P4HA1: variants seen among roughly 807,000 people sequenced by gnomAD.
The protein encoded by P4HA1 is prolyl 4-hydroxylase subunit alpha 1, also known as prolyl 4-hydroxylase subunit alpha-1.
P4HA1 carries 24 observed loss-of-function variants against 72.8 expected under a neutral mutation model. The observed-to-expected ratio is 0.33, with a 90% CI of 0.24 to 0.46. P4HA1 has a LOEUF of 0.46. Ranked by LOEUF, P4HA1 falls within the 20% of genes least tolerant of loss-of-function variation. The pLI, the probability that P4HA1 is intolerant of heterozygous loss-of-function variation, is 1.00. For missense variants in P4HA1, 446 were observed against 640.6 expected (o/e 0.70, Z 3.28); for synonymous variants, 201 against 218.8 (o/e 0.92, Z 0.72).
At chr10:73,064,451 G>A (rs1841375845) in intron 5 of P4HA1, among the ~76,000 whole-genome samples, 2 of 151,620 alleles carry the variant, frequency 1.3e-5, no homozygotes, top group South Asian at 2.1e-4. Context: ...CTCCAGCCTG[G>A]GTTGATAGCA....
intron 7 of P4HA1, 75 bp from the exon 8 acceptor site, chr10:73,047,176 G>A: frequency 9.6e-7 from 1 of 1,046,376 alleles, no homozygotes; most frequent in Non-Finnish European, 1.4e-6. Context: ...ATGCAGATAA[G>A]AGACAATAAT....
At chr10:73,049,745 G>A (rs757668974) in intron 7 of P4HA1, among the ~76,000 whole-genome samples, 37 of 152,250 alleles carry the variant, frequency 2.4e-4, no homozygotes, top group South Asian at 1.2e-3. Flanking sequence ...GTATTAAACA[G>A]ACTAAAGCAT....
At chr10:73,010,299 C>T (rs553630999) in intron 13 of P4HA1, among the ~76,000 whole-genome samples, 43 of 152,050 alleles carry the variant, frequency 2.8e-4, no homozygotes, top group Admixed American at 2.1e-3. Flanking sequence ...TTTGTTCCTG[C>T]GGAAGAACTC....
At chr10:73,009,974 T>A in intron 13 of P4HA1, 71 bp from the exon 14 acceptor site, 1 of 721,152 alleles carries the variant, frequency 1.4e-6, no homozygotes, top group Non-Finnish European at 2.3e-6. Flanking sequence ...GTTATTACTT[T>A]TTTTTTTTTT....
chr10:73,024,341 C>T (rs1840212338), intron 10 of P4HA1, among the ~76,000 whole-genome samples: 1 of 152,216 alleles, frequency 6.6e-6, no homozygotes, highest in Admixed American at 6.5e-5. Flanking sequence ...AAGAAACTCA[C>T]TCAAAACCAC....
chr10:73,030,125 A>G, intron 10 of P4HA1, 146 bp downstream of exon 10: 1 of 414,640 alleles, frequency 2.4e-6, no homozygotes, highest in Non-Finnish European at 4.3e-6. Flanking sequence ...TATTAAAATC[A>G]CTTTGCATGG....
At chr10:73,091,036 G>A (rs1216014942) in intron 1 of P4HA1, among the ~76,000 whole-genome samples, 26 of 144,164 alleles carry the variant, frequency 1.8e-4, no homozygotes, top group Non-Finnish European at 3.3e-4. Flanking sequence ...ACTCCAGCCT[G>A]GGTGACAGAG....
rs1031091975 is a variant in P4HA1 at position 73,014,328 on chromosome 10, T to A, written c.1303-39A>T. ...CACAGTAAATTCAATGGTGTAAAAATTCAGTAATACAAATACTCTAGTGGC... is the reference window on the plus strand; with the variant it reads ...CACAGTAAATTCAATGGTGTAAAAAATCAGTAATACAAATACTCTAGTGGC... On this transcript the variant is annotated intron_variant, in intron 11 of 14. Coordinates refer to ENST00000394890, the MANE Select transcript of P4HA1 (RefSeq NM_001017962.3). 6 of 1,450,216 alleles carry A rather than the reference T, an allele frequency of 4.1e-6. No homozygotes were observed. The East Asian group carries it at 1.4e-4, about 33-fold the overall frequency. The allele number at this position is 1,450,216 out of a possible 1,614,324, so 89.8% of individuals were successfully genotyped here.
intron 10 of P4HA1, among the ~76,000 whole-genome samples, chr10:73,025,329 C>T (rs577402880): frequency 1.3e-5 from 2 of 152,266 alleles, no homozygotes; most frequent in Admixed American, 6.5e-5. Flanking sequence ...AATCAATAAA[C>T]GTAATCCATC....
At chr10:73,087,954 T>A (rs1211391953) in intron 1 of P4HA1, among the ~76,000 whole-genome samples, 1 of 152,234 alleles carries the variant, frequency 6.6e-6, no homozygotes. Flanking sequence ...TGAATCATGT[T>A]CTTGGCATCA....
At chr10:73,074,640 T>TA (rs1841652755) in intron 2 of P4HA1, among the ~76,000 whole-genome samples, 168 bp downstream of exon 2, 1 of 152,032 alleles carries the variant, frequency 6.6e-6, no homozygotes, top group South Asian at 2.1e-4. Flanking sequence ...ATTTTTGTAA[T>TA]AAAAAATAAA....
intron 9 of P4HA1, 45 bp from the exon 10 acceptor site, chr10:73,030,415 C>T (rs532195352): frequency 4.0e-6 from 4 of 994,954 alleles, no homozygotes; most frequent in Admixed American, 2.0e-5. Flanking sequence ...TGTTTCATTA[C>T]ATGGAGACTA....
chr10:73,053,325 C>A (rs1374258308), intron 6 of P4HA1, 26 bp downstream of exon 6: 1 of 1,608,650 alleles, frequency 6.2e-7, no homozygotes, highest in African/African-American at 1.3e-5. Flanking sequence ...ATAACTATAA[C>A]CTTAAATTAG....
intron 2 of P4HA1, among the ~76,000 whole-genome samples, chr10:73,074,342 G>A (rs928597389): frequency 6.6e-5 from 10 of 152,234 alleles, no homozygotes; most frequent in East Asian, 5.8e-4. Flanking sequence ...TGGGCCAGGC[G>A]TGGCAGCTCA....
At chr10:73,014,414 T>A in intron 11 of P4HA1, 125 bp from the exon 12 acceptor site, 3 of 704,328 alleles carry the variant, frequency 4.3e-6, no homozygotes, top group Non-Finnish European at 7.5e-6. Context: ...AAAGTTTCCC[T>A]TGTAATGTCC....
Position 73,017,914 on chromosome 10 carries a change from A to G in P4HA1, c.1249-1015T>C, listed in dbSNP as rs189679561. ...TGCTGACAAAATCAAAGGAGAACATAATTAAGAGTGCTGCTGATGAAACCA... is the reference window on the plus strand; with the variant it reads ...TGCTGACAAAATCAAAGGAGAACATGATTAAGAGTGCTGCTGATGAAACCA... On this transcript the variant is annotated intron_variant, in intron 10 of 14. Coordinates refer to ENST00000394890, the MANE Select transcript of P4HA1 (RefSeq NM_001017962.3). Among the ~76,000 whole-genome samples the G allele has an allele frequency of 4.0e-4, 61 of 152,340 alleles. No individual in the cohort carries two copies. In the East Asian group the frequency reaches 0.011, roughly 27 times the overall value.
At chr10:73,012,600 G>A (rs1363203491) in intron 12 of P4HA1, among the ~76,000 whole-genome samples, 1 of 149,468 alleles carries the variant, frequency 6.7e-6, no homozygotes, top group Non-Finnish European at 1.5e-5. Flanking sequence ...GGAGAGGAAG[G>A]AGATAGGGAA....
chr10:73,039,809 T>C (rs1447620476), intron 9 of P4HA1, among the ~76,000 whole-genome samples: 1 of 151,190 alleles, frequency 6.6e-6, no homozygotes, highest in Non-Finnish European at 1.5e-5. Context: ...TTAAATTAAC[T>C]GACATCAGAA....
intron 6 of P4HA1, among the ~76,000 whole-genome samples, chr10:73,052,461 T>C (rs1410273372): frequency 6.6e-6 from 1 of 152,192 alleles, no homozygotes; most frequent in African/African-American, 2.4e-5. Flanking sequence ...GACTGGCTTA[T>C]AGATGACTCT....
Sources: gnomAD v4.1 joint callset for allele counts (sites outside exome capture counted in the v4.1 genomes callset) on GRCh38, gnomAD v4.1.1 for gene constraint, MANE v1.5 for transcripts, NCBI Gene and HGNC (gene_info 2026-07-23, HGNC 2026-07-21) for gene names.